GPATCH2: variants seen among roughly 807,000 people sequenced by gnomAD.
GPATCH2 encodes G patch domain-containing protein 2.
A neutral mutation model predicts 58.0 loss-of-function variants in GPATCH2; 51 were observed. The ratio of observed to expected loss-of-function variants is 0.88; its 90% CI spans 0.70 to 1.11. GPATCH2 has a LOEUF of 1.11. Among genes scored for constraint, GPATCH2 ranks in the 50% most tolerant of loss-of-function variants. GPATCH2 has a pLI of 0.00. For missense variants in GPATCH2, 625 were observed against 652.2 expected (o/e 0.96, Z 0.45); for synonymous variants, 222 against 218.5 (o/e 1.02, Z -0.14).
intron 5 of GPATCH2, among the ~76,000 whole-genome samples, chr1:217,520,468 A>C (rs1663395153): frequency 6.6e-6 from 1 of 152,240 alleles, no homozygotes; most frequent in Non-Finnish European, 1.5e-5. Context: ...ATCTTTAAAA[A>C]TGTCAATATT....
intron 5 of GPATCH2, among the ~76,000 whole-genome samples, chr1:217,587,670 G>A (rs939968262): frequency 7.2e-5 from 11 of 152,092 alleles, no homozygotes; most frequent in Admixed American, 3.9e-4. Flanking sequence ...TAAGAAACTG[G>A]ACTAAAACAG....
chr1:217,509,941 G>A lies in GPATCH2; in HGVS notation c.1166+4881C>T, dbSNP rs1330264274. Among the ~76,000 whole-genome samples, 11 of 152,252 alleles carry A rather than the reference G, an allele frequency of 7.2e-5. No individual in the cohort carries two copies. In the East Asian group the frequency reaches 1.9e-3, roughly 27 times the overall value. On this transcript the variant is annotated intron_variant, in intron 6 of 9. Transcript: ENST00000366935. ...ATAGAGAATGCTGATACGAATTTGA[G>A]GGGAAACACCAATGATTCCTTAAAG...
chr1:217,461,477 A>C (rs1302556082), intron 8 of GPATCH2, among the ~76,000 whole-genome samples: 1 of 152,158 alleles, frequency 6.6e-6, no homozygotes, highest in Non-Finnish European at 1.5e-5. Flanking sequence ...CATCTGATTT[A>C]TTTCTTTAAG....
chr1:217,612,468 A>C (rs1295197241), intron 3 of GPATCH2, among the ~76,000 whole-genome samples: 2 of 152,170 alleles, frequency 1.3e-5, no homozygotes, highest in African/African-American at 4.8e-5. Flanking sequence ...ACTAAGTCAC[A>C]ATGGAAAATT....
At chr1:217,607,835 C>T (rs986355457) in intron 5 of GPATCH2, among the ~76,000 whole-genome samples, 8 of 152,162 alleles carry the variant, frequency 5.3e-5, no homozygotes, top group African/African-American at 1.7e-4. Context: ...CTGTCATTTC[C>T]TTCAAAGATA....
intron 3 of GPATCH2, among the ~76,000 whole-genome samples, chr1:217,611,678 G>A (rs1485509510): frequency 6.6e-6 from 1 of 152,064 alleles, no homozygotes; most frequent in East Asian, 1.9e-4. Flanking sequence ...GAGTGTAAAA[G>A]GGGAAACAAT....
chr1:217,523,520 C>T (rs1318820749), intron 5 of GPATCH2, among the ~76,000 whole-genome samples: 1 of 151,564 alleles, frequency 6.6e-6, no homozygotes, highest in Non-Finnish European at 1.5e-5. Context: ...GATCCCAAGG[C>T]AGAAGAATTT....
At chr1:217,602,287 T>C (rs1365553522) in intron 5 of GPATCH2, among the ~76,000 whole-genome samples, 4 of 152,180 alleles carry the variant, frequency 2.6e-5, no homozygotes, top group Non-Finnish European at 1.5e-5. Flanking sequence ...GCATATCTTA[T>C]ATCTCAGTAA....
intron 5 of GPATCH2, among the ~76,000 whole-genome samples, chr1:217,603,597 A>G (rs1022990123): frequency 2.6e-5 from 4 of 152,012 alleles, no homozygotes; most frequent in Non-Finnish European, 5.9e-5. Context: ...AATGACATCA[A>G]AATAGAGAAT....
intron 8 of GPATCH2, among the ~76,000 whole-genome samples, chr1:217,450,027 G>T (rs1051278467): frequency 6.6e-6 from 1 of 151,966 alleles, no homozygotes; most frequent in Admixed American, 6.6e-5. Context: ...AGATTCTTCT[G>T]TCTAATTTTG....
chr1:217,599,830 T>C (rs1434714396), intron 5 of GPATCH2, among the ~76,000 whole-genome samples: 1 of 152,194 alleles, frequency 6.6e-6, no homozygotes, highest in Non-Finnish European at 1.5e-5. Context: ...ATAAAGTATT[T>C]TTGTGAATTG....
intron 2 of GPATCH2, 48 bp from the exon 3 acceptor site, chr1:217,614,250 C>G: frequency 9.3e-7 from 1 of 1,078,230 alleles, no homozygotes; most frequent in Non-Finnish European, 1.4e-6. Flanking sequence ...CAATTGATCT[C>G]TCAGTCGTAA....
chr1:217,601,389 T>A (rs1013901613), intron 5 of GPATCH2, among the ~76,000 whole-genome samples: 17 of 151,822 alleles, frequency 1.1e-4, no homozygotes, highest in African/African-American at 2.9e-4. Context: ...TAAATATGTA[T>A]AATTATTACT....
At chr1:217,464,378 C>T (rs2102492411) in intron 8 of GPATCH2, among the ~76,000 whole-genome samples, 1 of 152,126 alleles carries the variant, frequency 6.6e-6, no homozygotes, top group South Asian at 2.1e-4. Flanking sequence ...TGCAAATGGC[C>T]CCAAGCACAG....
intron 5 of GPATCH2, among the ~76,000 whole-genome samples, chr1:217,595,122 G>A (rs760351019): frequency 5.9e-5 from 9 of 152,308 alleles, no homozygotes; most frequent in Non-Finnish European, 1.2e-4. Flanking sequence ...GTTTTGAGAA[G>A]CTATATGAGG....
At chr1:217,607,499 A>C (rs1338254595) in intron 5 of GPATCH2, among the ~76,000 whole-genome samples, 1 of 152,146 alleles carries the variant, frequency 6.6e-6, no homozygotes, top group Non-Finnish European at 1.5e-5. Context: ...AAGACTTGAT[A>C]AGCTTTGTTC....
chr1:217,603,043 A>G (rs1456195451), intron 5 of GPATCH2, among the ~76,000 whole-genome samples: 1 of 152,170 alleles, frequency 6.6e-6, no homozygotes, highest in Non-Finnish European at 1.5e-5. Flanking sequence ...TATATTATAG[A>G]TATGTTAATA....
Position 217,580,870 on chromosome 1 carries a change from C to T in GPATCH2, c.1098+29451G>A, listed in dbSNP as rs1256233881. 2.1e-5 allele frequency among the ~76,000 whole-genome samples: 2 copies of T among 94,846 alleles called. 1 individual carries two copies. Among genetic ancestry groups the T allele is most frequent in the African/African-American group, 7.2e-5 (2 of 27,926 alleles). 62.2% of individuals were successfully genotyped at this position (94,846 alleles called of 152,430 possible). A position where few individuals can be genotyped will look rare whatever the true frequency, so the allele number is the denominator to read the frequency against. On this transcript the variant is annotated intron_variant, in intron 5 of 9. Coordinates refer to ENST00000366935, the MANE Select transcript of GPATCH2 (RefSeq NM_018040.5). ...AAAAATACAAAAAATTAGCCGGGCG[C>T]GGTGGCGGGCGCCTGTAGTCCCAGC...
In GPATCH2 at chr1:217,610,980, A is replaced by C. The variant is rs1668592465; in HGVS notation, c.927T>G (p.Asp309Glu). 3 of 1,613,060 alleles carry C rather than the reference A, an allele frequency of 1.9e-6. No individual in the cohort carries two copies. The Admixed American group carries it at 5.0e-5, about 27-fold the overall frequency. The change falls in exon 4 of 10, where the codon GAT (aspartate) becomes GAG (glutamate). Residue 309 changes from aspartate to glutamate, a missense_variant. Asp to Glu is a conservative substitution (Grantham distance 45). Coordinates refer to ENST00000366935, the MANE Select transcript of GPATCH2 (RefSeq NM_018040.5). ...TGVVPWWEKEDPTELDKNVPD... is the reference protein window; with the variant it reads ...TGVVPWWEKEEPTELDKNVPD... Reference sequence around the variant, plus strand: ...GTACATTTTTGTCTAGCTCAGTAGGATCTTCCTTTTCCCACCAGGGCACAA... The same window carrying C: ...GTACATTTTTGTCTAGCTCAGTAGGCTCTTCCTTTTCCCACCAGGGCACAA...
Sources: gnomAD v4.1 joint callset for allele counts (sites outside exome capture counted in the v4.1 genomes callset) on GRCh38, gnomAD v4.1.1 for gene constraint, MANE v1.5 for transcripts, NCBI Gene and HGNC (gene_info 2026-07-23, HGNC 2026-07-21) for gene names.